Variants in LINGO2 observed in about 807,000 individuals in gnomAD.
LINGO2 encodes leucine-rich repeat and immunoglobulin-like domain-containing nogo receptor-interacting protein 2.
A neutral mutation model predicts 30.6 loss-of-function variants in LINGO2; 14 were observed. The observed-to-expected ratio is 0.46, with a 90% CI of 0.30 to 0.72. LINGO2 has a LOEUF of 0.72. Among genes scored for constraint, LINGO2 ranks in the 30% least tolerant of loss-of-function variants. The pLI is 0.07. For synonymous variants in LINGO2, 317 were observed against 288.5 expected, an observed-to-expected ratio of 1.10 and a Z score of -1.00; for missense variants, 729 against 751.7, an observed-to-expected ratio of 0.97 and a Z score of 0.35.
At chr9:29,022,824 G>T in the LINGO2 span, among the ~76,000 whole-genome samples, 1 of 152,046 alleles carries the variant, frequency 6.6e-6, no homozygotes, top group African/African-American at 2.4e-5. Context: ...TCAAGGCATT[G>T]TTACTCTCTT....
At chr9:29,045,720 C>G in the LINGO2 span, among the ~76,000 whole-genome samples, 1 of 152,062 alleles carries the variant, frequency 6.6e-6, no homozygotes, top group Non-Finnish European at 1.5e-5. Flanking sequence ...TTAAATCTGT[C>G]AATTGCTTAG....
At chr9:28,643,503 A>T (rs1222233786) in intron 1 of LINGO2, among the ~76,000 whole-genome samples, 2 of 152,098 alleles carry the variant, frequency 1.3e-5, no homozygotes, top group Non-Finnish European at 2.9e-5. Flanking sequence ...ATAAAAGTAG[A>T]ACATTATCTC....
intron 4 of LINGO2, among the ~76,000 whole-genome samples, chr9:28,185,009 C>A (rs1409871443): frequency 6.6e-6 from 1 of 152,092 alleles, no homozygotes; most frequent in Non-Finnish European, 1.5e-5. Flanking sequence ...AGAAACAGAG[C>A]TGGATTTATG....
chr9:28,877,932 C>T, the LINGO2 span, among the ~76,000 whole-genome samples: 2 of 145,052 alleles, frequency 1.4e-5, no homozygotes, highest in Non-Finnish European at 3.1e-5. Flanking sequence ...TTTCATTGAG[C>T]AGTGGTTTGT....
the LINGO2 span, among the ~76,000 whole-genome samples, chr9:28,706,724 A>T: frequency 6.6e-6 from 1 of 152,060 alleles, no homozygotes; most frequent in African/African-American, 2.4e-5. Flanking sequence ...GGGACATGTA[A>T]CTACTAGGCT....
intron 5 of LINGO2, among the ~76,000 whole-genome samples, chr9:27,965,459 C>G (rs571689768): frequency 6.6e-6 from 1 of 150,674 alleles, no homozygotes; most frequent in East Asian, 1.9e-4. Context: ...CTCATTTTCT[C>G]TCTGGGTTAT....
intron 1 of LINGO2, among the ~76,000 whole-genome samples, chr9:28,637,832 G>T (rs1414703363): frequency 6.6e-6 from 1 of 152,056 alleles, no homozygotes; most frequent in Non-Finnish European, 1.5e-5. Flanking sequence ...CTGCCTGATT[G>T]CCCTGGCCAG....
chr9:28,021,293 T>A (rs1823109520), intron 4 of LINGO2, among the ~76,000 whole-genome samples: 1 of 152,316 alleles, frequency 6.6e-6, no homozygotes, highest in African/African-American at 2.4e-5. Flanking sequence ...TTTTAATTTC[T>A]AAATATTTGA....
chr9:29,039,667 A>G, the LINGO2 span, among the ~76,000 whole-genome samples: 3 of 152,080 alleles, frequency 2.0e-5, no homozygotes, highest in Admixed American at 6.6e-5. Context: ...TCTAACCTAA[A>G]TCTACTTTAA....
At chr9:28,703,944 T>A in the LINGO2 span, among the ~76,000 whole-genome samples, 3 of 152,012 alleles carry the variant, frequency 2.0e-5, no homozygotes, top group African/African-American at 7.2e-5. Flanking sequence ...TTTTGATAAT[T>A]TTTGGATACA....
intron 5 of LINGO2, among the ~76,000 whole-genome samples, chr9:27,977,976 GA>G (rs1183262176): frequency 2.6e-5 from 4 of 152,004 alleles, no homozygotes; most frequent in African/African-American, 9.7e-5. Flanking sequence ...AGGCTTCAAT[GA>G]AAACATCATT....
chr9:28,252,495 G>A (rs1213805417), intron 4 of LINGO2, among the ~76,000 whole-genome samples: 1 of 152,068 alleles, frequency 6.6e-6, no homozygotes, highest in Non-Finnish European at 1.5e-5. Flanking sequence ...AAAATGCTGG[G>A]ATTACAGGTA....
chr9:28,981,009 C>T, the LINGO2 span, among the ~76,000 whole-genome samples: 1 of 152,086 alleles, frequency 6.6e-6, no homozygotes, highest in African/African-American at 2.4e-5. Context: ...CCGTACCTTA[C>T]TGGTAATACA....
At chr9:27,951,296 A>G (rs548732710) in intron 5 of LINGO2, among the ~76,000 whole-genome samples, 5 of 152,340 alleles carry the variant, frequency 3.3e-5, no homozygotes, top group African/African-American at 9.6e-5. Context: ...TAATGTACGC[A>G]TCTTTCATCA....
chr9:28,640,427 G>A (rs1382978939), intron 1 of LINGO2, among the ~76,000 whole-genome samples: 1 of 151,590 alleles, frequency 6.6e-6, no homozygotes, highest in Non-Finnish European at 1.5e-5. Context: ...TTCCAACTTG[G>A]TTCCATTCTC....
chr9:29,187,374 T>C, the LINGO2 span, among the ~76,000 whole-genome samples: 11 of 152,196 alleles, frequency 7.2e-5, no homozygotes, highest in Admixed American at 5.2e-4. Flanking sequence ...CTGATATCTA[T>C]TGATAAGCAA....
Position 28,535,431 on chromosome 9 carries a change from T to A in LINGO2, c.-364-59406A>T, listed in dbSNP as rs144750603. 5.1e-4 allele frequency among the ~76,000 whole-genome samples: 77 copies of A among 152,190 alleles called. 1 individual carries two copies. The highest frequency in any genetic ancestry group is 1.3e-3 in the Admixed American group (20 of 15,268). On this transcript the variant is annotated intron_variant, in intron 1 of 5. Coordinates refer to ENST00000379992, the Ensembl canonical transcript of LINGO2. ...AAACAAACAACAAAATGGTATGCAG[T>A]TGGGAGAAGAGGGTGAGATTCCCAT...
chr9:28,763,733 A>T, the LINGO2 span, among the ~76,000 whole-genome samples: 3 of 151,754 alleles, frequency 2.0e-5, no homozygotes, highest in Non-Finnish European at 4.4e-5. Context: ...AAATCAACAA[A>T]ACTGAGAGTG....
the LINGO2 span, among the ~76,000 whole-genome samples, chr9:28,953,876 G>A: frequency 3.3e-5 from 5 of 151,972 alleles, no homozygotes; most frequent in East Asian, 7.7e-4. Flanking sequence ...ATCTCTTATT[G>A]TGAATGGATC....
Sources: allele counts gnomAD v4.1 joint callset (sites outside exome capture counted in the v4.1 genomes callset), GRCh38; gene constraint gnomAD v4.1.1; transcripts MANE v1.5; gene names NCBI Gene and HGNC (gene_info 2026-07-23, HGNC 2026-07-21).